Variants in AGMO observed in about 807,000 individuals in gnomAD.
The protein encoded by AGMO is glyceryl-ether monooxygenase.
Under a neutral mutation model 60.2 loss-of-function variants are expected in AGMO, and 75 were observed. The ratio of observed to expected loss-of-function variants is 1.25; its 90% CI spans 1.03 to 1.51. The LOEUF is 1.51. Ranked by LOEUF, AGMO falls within the 40% of genes most tolerant of loss-of-function variation. AGMO has a pLI of 0.00. For missense variants in AGMO, 763 were observed against 525.5 expected, an observed-to-expected ratio of 1.45 and a Z score of -4.42; for synonymous variants, 261 against 177.1, an observed-to-expected ratio of 1.47 and a Z score of -3.76.
intron 3 of AGMO, among the ~76,000 whole-genome samples, chr7:15,490,640 T>C (rs1045439394): frequency 5.3e-5 from 8 of 152,170 alleles, no homozygotes; most frequent in Admixed American, 3.9e-4. Context: ...AAAGCAATAT[T>C]GTGCACCATA....
At chr7:15,307,748 T>C (rs184484220) in intron 12 of AGMO, among the ~76,000 whole-genome samples, 13 of 152,186 alleles carry the variant, frequency 8.5e-5, no homozygotes, top group African/African-American at 2.6e-4. Flanking sequence ...ACAGTAAACA[T>C]GCCCACAAAC....
intron 4 of AGMO, among the ~76,000 whole-genome samples, chr7:15,422,080 A>G (rs1001764439): frequency 7.2e-5 from 11 of 152,130 alleles, no homozygotes; most frequent in Admixed American, 6.6e-5. Context: ...ATTTGCAGGT[A>G]TGAATCAGCA....
chr7:15,492,352 C>G (rs1386387043), intron 3 of AGMO, among the ~76,000 whole-genome samples: 5 of 89,854 alleles, frequency 5.6e-5, no homozygotes, highest in African/African-American at 2.3e-4. Context: ...TTTTGAGGCC[C>G]AATACGAAAA....
At chr7:15,487,804 C>T (rs1782960512) in intron 3 of AGMO, among the ~76,000 whole-genome samples, 1 of 151,798 alleles carries the variant, frequency 6.6e-6, no homozygotes, top group Non-Finnish European at 1.5e-5. Context: ...TATTCAGAGC[C>T]CTTGAAAGTA....
the AGMO span, among the ~76,000 whole-genome samples, chr7:15,125,509 C>T: frequency 2.6e-5 from 4 of 152,108 alleles, no homozygotes; most frequent in East Asian, 3.9e-4. Context: ...GCCTCTGCCT[C>T]ATCTACAGAA....
the AGMO span, among the ~76,000 whole-genome samples, chr7:15,117,645 C>T: frequency 7.2e-5 from 11 of 151,854 alleles, no homozygotes; most frequent in African/African-American, 2.7e-4. Flanking sequence ...ACCCATGTAA[C>T]AAGTACATGT....
intron 12 of AGMO, among the ~76,000 whole-genome samples, chr7:15,232,682 A>C (rs1323593538): frequency 6.6e-6 from 1 of 152,130 alleles, no homozygotes; most frequent in African/African-American, 2.4e-5. Context: ...GTAGAATACG[A>C]ATCAAAGGAA....
intron 3 of AGMO, among the ~76,000 whole-genome samples, chr7:15,483,231 C>T (rs1425655832): frequency 1.3e-5 from 2 of 152,202 alleles, no homozygotes; most frequent in Non-Finnish European, 2.9e-5. Flanking sequence ...TATATTTATA[C>T]AAACTAGTAT....
At chr7:15,136,473 T>C in the AGMO span, among the ~76,000 whole-genome samples, 8 of 150,252 alleles carry the variant, frequency 5.3e-5, no homozygotes, top group South Asian at 8.7e-4. Context: ...TGCTTTAGCA[T>C]TGGTTGACTC....
At chr7:15,359,834 A>G (rs1340146146) in intron 12 of AGMO, among the ~76,000 whole-genome samples, 1 of 152,202 alleles carries the variant, frequency 6.6e-6, no homozygotes, top group Non-Finnish European at 1.5e-5. Context: ...AAATCCTGAA[A>G]CCTTTCCATA....
the AGMO span, among the ~76,000 whole-genome samples, chr7:15,137,174 G>C: frequency 9.9e-5 from 15 of 152,112 alleles, no homozygotes; most frequent in Middle Eastern, 3.4e-3. Context: ...AAGTATTCAT[G>C]GTTTCTGATA....
intron 3 of AGMO, among the ~76,000 whole-genome samples, chr7:15,509,436 G>C (rs1311325944): frequency 2.0e-5 from 3 of 151,360 alleles, no homozygotes; most frequent in Non-Finnish European, 4.4e-5. Flanking sequence ...ATCAATTTAA[G>C]ATGACTTAAA....
rs1407139406 is a variant in AGMO, at chr7:15,387,538, G to A, written c.825C>T (p.Phe275=). 6.3e-7 allele frequency: 1 copy of A among 1,595,184 alleles called. No individual in the cohort carries two copies. The highest frequency in any genetic ancestry group is 8.5e-7 in the Non-Finnish European group (1 of 1,175,426). ...INTFEPIKVQ[F]HHLFSIWTTF... ...TAGTCCATATGGAAAATAAGTGATG[G>A]AACTAGAAACAATAAAAAAAGAGCT... The change falls in exon 9 of 13, where the codon TTC becomes TTT. Residue 275 remains phenylalanine (F), a splice_region_variant and synonymous_variant. Coordinates refer to ENST00000342526, the MANE Select transcript of AGMO (RefSeq NM_001004320.2).
intron 12 of AGMO, among the ~76,000 whole-genome samples, chr7:15,227,011 T>C (rs1390847316): frequency 6.6e-6 from 1 of 152,056 alleles, no homozygotes. Flanking sequence ...CCTGAGTAAT[T>C]ACTTGAAAAA....
At chr7:15,539,442 C>A (rs532137519) in intron 3 of AGMO, among the ~76,000 whole-genome samples, 12 of 150,372 alleles carry the variant, frequency 8.0e-5, no homozygotes, top group African/African-American at 2.9e-4. Flanking sequence ...TCCTCCAACT[C>A]TATCCATGTT....
intron 12 of AGMO, among the ~76,000 whole-genome samples, chr7:15,247,470 A>AGAGAGAGAGAGAGAGG (rs1246968696): frequency 7.3e-5 from 11 of 150,030 alleles, no homozygotes; most frequent in Admixed American, 2.0e-4. Flanking sequence ...AGAGAGAGAG[A>AGAGAGAGAGAGAGAGG]GAGAGAGAGG....
chr7:15,196,003 CT>C (rs1200732843), downstream of AGMO, among the ~76,000 whole-genome samples: 3 of 151,612 alleles, frequency 2.0e-5, no homozygotes, highest in Admixed American at 2.0e-4. Context: ...AGTTCCTCCC[CT>C]TCCCTCCTCT....
At chr7:15,247,451 C>CAGAGAG (rs1368429253) in intron 12 of AGMO, among the ~76,000 whole-genome samples, 1,966 of 119,128 alleles carry the variant, frequency 0.017, 17 homozygotes, top group Middle Eastern at 0.046. Flanking sequence ...CACACACACA[C>CAGAGAG]ACACACACAG....
At chr7:15,523,298 G>A (rs2128536725) in intron 3 of AGMO, among the ~76,000 whole-genome samples, 1 of 152,308 alleles carries the variant, frequency 6.6e-6, no homozygotes, top group South Asian at 2.1e-4. Context: ...TCTAGAACTA[G>A]AAGTACCATT....
Sources: allele counts gnomAD v4.1 joint callset (sites outside exome capture counted in the v4.1 genomes callset), GRCh38; gene constraint gnomAD v4.1.1; transcripts MANE v1.5; gene names NCBI Gene and HGNC (gene_info 2026-07-23, HGNC 2026-07-21).